Variants in ADCY1 observed in about 807,000 individuals in gnomAD.
The protein encoded by ADCY1 is adenylate cyclase type 1.
In ADCY1, 28 loss-of-function variants were observed where a neutral mutation model predicts 105.4. That is an observed-to-expected ratio of 0.27 (90% confidence interval 0.20 to 0.36). The LOEUF (loss-of-function observed/expected upper bound fraction) is 0.36. ADCY1 is among the 10% of genes least tolerant of loss of function. The pLI, the probability that ADCY1 is intolerant of heterozygous loss-of-function variation, is 1.00. For synonymous variants in ADCY1, 655 were observed against 623.8 expected, an observed-to-expected ratio of 1.05 and a Z score of -0.75; for missense variants, 977 against 1,434.2, an observed-to-expected ratio of 0.68 and a Z score of 5.15.
At chr7:45,693,030 A>C (rs1784812263) in intron 14 of ADCY1, among the ~76,000 whole-genome samples, 1 of 152,242 alleles carries the variant, frequency 6.6e-6, no homozygotes, top group Non-Finnish European at 1.5e-5. Flanking sequence ...AAATACATAA[A>C]GTAAAAATTG....
intron 14 of ADCY1, among the ~76,000 whole-genome samples, chr7:45,694,712 TTCACCTTTGTTA>T (rs1784849082): frequency 6.6e-6 from 1 of 152,224 alleles, no homozygotes; most frequent in Non-Finnish European, 1.5e-5. Flanking sequence ...GGTCTTGCTT[TTCACCTTTGTTA>T]GGAAGAACCA....
intron 3 of ADCY1, among the ~76,000 whole-genome samples, chr7:45,610,719 A>ATGGTGGAAGCGT (rs1793516590): frequency 5.3e-5 from 1 of 18,922 alleles, no homozygotes; most frequent in Non-Finnish European, 1.1e-4. Flanking sequence ...GGTGGAGGTG[A>ATGGTGGAAGCGT]GGAGGGGATA....
intron 8 of ADCY1, among the ~76,000 whole-genome samples, chr7:45,675,614 G>A (rs1277994396): frequency 1.3e-5 from 2 of 151,562 alleles, no homozygotes; most frequent in Non-Finnish European, 2.9e-5. Flanking sequence ...CATTTCTGAA[G>A]TATAATTTTG....
chr7:45,636,524 T>A (rs1041276748), intron 4 of ADCY1, among the ~76,000 whole-genome samples: 2 of 152,166 alleles, frequency 1.3e-5, no homozygotes, highest in Non-Finnish European at 2.9e-5. Context: ...TCCATCCTTT[T>A]ATTTTTAGTC....
chr7:45,712,497 C>T (rs1214900576), intron 19 of ADCY1, among the ~76,000 whole-genome samples: 1 of 152,072 alleles, frequency 6.6e-6, no homozygotes, highest in Non-Finnish European at 1.5e-5. Flanking sequence ...CTGTCCAATC[C>T]CCAGCCAGGT....
At chr7:45,651,112 T>C (rs1208385558) in intron 5 of ADCY1, among the ~76,000 whole-genome samples, 17 of 152,092 alleles carry the variant, frequency 1.1e-4, no homozygotes, top group Admixed American at 1.0e-3. Flanking sequence ...CTGCTTGGGC[T>C]CCTGATTACC....
At chr7:45,654,620 G>C (rs572697204) in intron 5 of ADCY1, among the ~76,000 whole-genome samples, 1 of 152,192 alleles carries the variant, frequency 6.6e-6, no homozygotes, top group Non-Finnish European at 1.5e-5. Flanking sequence ...GCCACATGGA[G>C]CATGCTTCAG....
At chr7:45,590,204 T>G (rs1792870630) in intron 1 of ADCY1, among the ~76,000 whole-genome samples, 1 of 152,118 alleles carries the variant, frequency 6.6e-6, no homozygotes, top group African/African-American at 2.4e-5. Flanking sequence ...ACCCGCCAGC[T>G]GTGCTATGTC....
intron 2 of ADCY1, 98 bp downstream of exon 2, chr7:45,593,006 A>G: frequency 2.0e-6 from 3 of 1,485,718 alleles, no homozygotes; most frequent in Non-Finnish European, 2.7e-6. Context: ...CCGTGGTGAC[A>G]TGGGCCACAA....
At chr7:45,651,413 C>T (rs1047784595) in intron 5 of ADCY1, among the ~76,000 whole-genome samples, 2 of 152,210 alleles carry the variant, frequency 1.3e-5, no homozygotes, top group African/African-American at 4.8e-5. Context: ...TGTTTATCAA[C>T]AGGGGGAGCT....
At chr7:45,628,793 C>T (rs987832262) in intron 4 of ADCY1, among the ~76,000 whole-genome samples, 6 of 152,140 alleles carry the variant, frequency 3.9e-5, no homozygotes, top group Non-Finnish European at 7.4e-5. Context: ...TCCGATAATG[C>T]GTGTGAGTTC....
In ADCY1 at chr7:45,592,860, G is replaced by A. The variant is rs1792965387; in HGVS notation, c.741G>A (p.Arg247=). 6.2e-7 allele frequency: 1 copy of A among 1,614,116 alleles called. No individual in the cohort carries two copies. Among genetic ancestry groups the A allele is most frequent in the Admixed American group, 1.7e-5 (1 of 60,010 alleles). Residue 247 remains arginine (R), a synonymous_variant, in exon 2 of 20, where the codon CGG becomes CGA. Coordinates refer to ENST00000297323, the MANE Select transcript of ADCY1 (RefSeq NM_021116.4). The stretch of plus-strand genomic sequence containing the variant: ...AGAGGAAGGCGTTCCTGCAGGCCCG[G>A]AGCTGCATTGAGGACCGACTGAGGC... The part of the protein sequence containing the change: ...RSQRKAFLQA[R]SCIEDRLRLE...
chr7:45,720,170 C>A lies in ADCY1; in HGVS notation c.*6175C>A, dbSNP rs1375142402. On this transcript the variant is annotated 3_prime_UTR_variant, in exon 20 of 20. Transcript: ENST00000297323. ...TGGAAGAGCAACAACAGACAGGTGA[C>A]CTTCTTGGGTTGTGCTTCACAATGG... The A allele has an allele frequency of 6.6e-6, 1 of 152,088 alleles. No individual in the cohort carries two copies. Among genetic ancestry groups the A allele is most frequent in the East Asian group, 1.9e-4 (1 of 5,144 alleles). 9.4% of individuals were successfully genotyped at this position (152,088 alleles called of 1,614,324 possible).
intron 18 of ADCY1, among the ~76,000 whole-genome samples, chr7:45,709,304 C>T (rs561622465): frequency 4.5e-4 from 68 of 152,232 alleles, no homozygotes; most frequent in Middle Eastern, 3.4e-3. Flanking sequence ...GATGGTGGGT[C>T]GGGGAAATTC....
intron 4 of ADCY1, among the ~76,000 whole-genome samples, chr7:45,626,262 C>T (rs1201201847): frequency 2.0e-5 from 3 of 152,194 alleles, no homozygotes; most frequent in Non-Finnish European, 2.9e-5. Context: ...ACGGCCTCAG[C>T]GTGCCAGCCT....
intron 3 of ADCY1, among the ~76,000 whole-genome samples, chr7:45,618,050 G>T (rs1267103275): frequency 6.6e-6 from 1 of 152,172 alleles, no homozygotes; most frequent in East Asian, 1.9e-4. Flanking sequence ...CAATAGAACA[G>T]AATAGAGAAC....
intron 1 of ADCY1, among the ~76,000 whole-genome samples, chr7:45,592,226 C>A (rs1216227600): frequency 6.6e-6 from 1 of 152,074 alleles, no homozygotes; most frequent in South Asian, 2.1e-4. Context: ...TGGAGAATCT[C>A]ACAGTCTGGA....
chr7:45,657,920 T>TGGGG, intron 6 of ADCY1, 35 bp downstream of exon 6: 1 of 460,310 alleles, frequency 2.2e-6, no homozygotes, highest in Non-Finnish European at 4.1e-6. Flanking sequence ...GGGAGGGAGG[T>TGGGG]GGGTGATGGC....
chr7:45,615,561 T>C (rs1258360332), intron 3 of ADCY1, among the ~76,000 whole-genome samples: 2 of 152,096 alleles, frequency 1.3e-5, no homozygotes, highest in African/African-American at 4.8e-5. Context: ...AGCACACCAC[T>C]CTACTCCAGC....
Sources: allele counts gnomAD v4.1 joint callset (sites outside exome capture counted in the v4.1 genomes callset), GRCh38; gene constraint gnomAD v4.1.1; transcripts MANE v1.5; gene names NCBI Gene and HGNC (gene_info 2026-07-23, HGNC 2026-07-21).